Variants in ZDHHC2 observed in about 807,000 individuals in gnomAD.
ZDHHC2 encodes zDHHC palmitoyltransferase 2.
Under a neutral mutation model 55.6 loss-of-function variants are expected in ZDHHC2, and 51 were observed. The observed-to-expected ratio is 0.92, with a 90% CI of 0.73 to 1.16. The LOEUF is 1.16. Among genes scored for constraint, ZDHHC2 ranks in the 50% most tolerant of loss-of-function variants. The probability of loss-of-function intolerance (pLI) is 0.00; values close to 1 mark genes in which losing one functional copy is unlikely to be tolerated. For missense variants in ZDHHC2, 491 were observed against 442.4 expected, an observed-to-expected ratio of 1.11 and a Z score of -0.99; for synonymous variants, 199 against 152.9, an observed-to-expected ratio of 1.30 and a Z score of -2.22.
chr8:17,173,635 T>C (rs1804976519), intron 1 of ZDHHC2, among the ~76,000 whole-genome samples: 1 of 151,336 alleles, frequency 6.6e-6, no homozygotes. Context: ...TGAGCCGTGA[T>C]TGCACCACTG....
intron 6 of ZDHHC2, among the ~76,000 whole-genome samples, chr8:17,202,605 C>A (rs1015109478): frequency 4.6e-5 from 7 of 152,058 alleles, no homozygotes; most frequent in African/African-American, 1.7e-4. Flanking sequence ...AATAAGTCTT[C>A]TTCCTTTTAT....
At chr8:17,200,342 T>TA (rs531592343) in intron 6 of ZDHHC2, among the ~76,000 whole-genome samples, 59 of 152,348 alleles carry the variant, frequency 3.9e-4, no homozygotes, top group African/African-American at 1.3e-3. Context: ...GCCTGGCCGG[T>TA]AAAAAATGCT....
intron 10 of ZDHHC2, 121 bp downstream of exon 10, chr8:17,210,601 C>G (rs1807331190): frequency 1.3e-6 from 1 of 757,098 alleles, no homozygotes; most frequent in African/African-American, 1.8e-5. Context: ...GCAATGGTTT[C>G]CACTTGAAAT....
intron 1 of ZDHHC2, among the ~76,000 whole-genome samples, chr8:17,174,005 G>A (rs1467681913): frequency 6.6e-6 from 1 of 152,068 alleles, no homozygotes. Context: ...CAGAGAGTAG[G>A]TGGTCGCTGC....
intron 3 of ZDHHC2, among the ~76,000 whole-genome samples, chr8:17,189,029 AC>A (rs1370994255): frequency 7.2e-6 from 1 of 139,008 alleles, no homozygotes; most frequent in African/African-American, 2.7e-5. Flanking sequence ...CCCTGCTCCC[AC>A]CCCGGTCCAA....
intron 3 of ZDHHC2, among the ~76,000 whole-genome samples, chr8:17,192,897 C>T (rs1452287870): frequency 6.6e-6 from 1 of 152,176 alleles, no homozygotes; most frequent in Non-Finnish European, 1.5e-5. Context: ...AGTGTATGTT[C>T]TTGGCATCTG....
chr8:17,196,291 T>C (rs1806303732), intron 4 of ZDHHC2, among the ~76,000 whole-genome samples: 1 of 152,116 alleles, frequency 6.6e-6, no homozygotes, highest in Admixed American at 6.5e-5. Flanking sequence ...GCTAGCCCCA[T>C]GTGGCTGTTG....
At chr8:17,180,097 G>T (rs921745472) in intron 1 of ZDHHC2, among the ~76,000 whole-genome samples, 8 of 152,128 alleles carry the variant, frequency 5.3e-5, no homozygotes, top group African/African-American at 1.9e-4. Flanking sequence ...TAATAGCAAT[G>T]CTTTTAATTC....
Position 17,184,741 on chromosome 8 carries a change from G to A in ZDHHC2, c.131-48G>A, listed in dbSNP as rs147734938. ...ATGCCTTATGTCTGTGTCAAGCCCC[G>A]TTTGCCATAAGCTTCATGTAACCTA... On this transcript the variant is annotated intron_variant, in intron 1 of 12. Coordinates refer to ENST00000262096, the MANE Select transcript of ZDHHC2 (RefSeq NM_016353.5). 4.0e-4 allele frequency: 604 copies of A among 1,504,938 alleles called. 2 individuals are homozygous for A. The highest frequency in any genetic ancestry group is 1.5e-3 in the Admixed American group (65 of 42,816). 93.2% of individuals were successfully genotyped at this position (1,504,938 alleles called of 1,614,324 possible).
chr8:17,224,430 C>G lies in ZDHHC2; in HGVS notation c.*4209C>G, dbSNP rs1346090355. Reference sequence around the variant, plus strand: ...TTTAAGCCCTGGTTTATGGCTAGTTCCCTTTTGCTCAGGAAAAATAGTACT... The same window carrying G: ...TTTAAGCCCTGGTTTATGGCTAGTTGCCTTTTGCTCAGGAAAAATAGTACT... On this transcript the variant is annotated 3_prime_UTR_variant, in exon 13 of 13. Transcript: ENST00000262096. 6.6e-6 allele frequency: 1 copy of G among 151,496 alleles called. No individual in the cohort carries two copies. The highest frequency in any genetic ancestry group is 2.4e-5 in the African/African-American group (1 of 41,332). The allele number at this position is 151,496 out of a possible 1,614,324, so 9.4% of individuals were successfully genotyped here.
chr8:17,161,875 T>TA (rs1015153372), intron 1 of ZDHHC2, among the ~76,000 whole-genome samples: 2 of 151,824 alleles, frequency 1.3e-5, no homozygotes, highest in South Asian at 2.1e-4. Context: ...AAATAAAAAA[T>TA]AAAAAAAAGA....
intron 6 of ZDHHC2, among the ~76,000 whole-genome samples, chr8:17,199,506 T>TTCGTCTTCG (rs1256708051): frequency 2.3e-5 from 1 of 42,724 alleles, no homozygotes; most frequent in African/African-American, 6.9e-5. Flanking sequence ...CTTCTTCTTC[T>TTCGTCTTCG]TCTTCTTCGT....
chr8:17,163,780 G>A (rs1013303184), intron 1 of ZDHHC2, among the ~76,000 whole-genome samples: 1 of 151,956 alleles, frequency 6.6e-6, no homozygotes, highest in African/African-American at 2.4e-5. Context: ...CTGTCTGTTG[G>A]GAAAACAATA....
intron 3 of ZDHHC2, among the ~76,000 whole-genome samples, chr8:17,189,257 G>A (rs1245063576): frequency 6.6e-6 from 1 of 151,618 alleles, no homozygotes; most frequent in African/African-American, 2.4e-5. Context: ...TATCATTGAG[G>A]CTGTCTGTGA....
At position 17,221,944 on chromosome 8, in the gene ZDHHC2, C is replaced by T. The variant is rs1807934787; in HGVS notation, c.*1723C>T. Reference sequence around the variant, plus strand: ...GAAGTCTTAAAAAAACCAACAGCAGCACAGGATGTATTAAGAATTATATGA... The same window carrying T: ...GAAGTCTTAAAAAAACCAACAGCAGTACAGGATGTATTAAGAATTATATGA... On this transcript the variant is annotated 3_prime_UTR_variant, in exon 13 of 13. Coordinates refer to ENST00000262096, the MANE Select transcript of ZDHHC2 (RefSeq NM_016353.5). 6.8e-6 allele frequency: 1 copy of T among 146,798 alleles called. No individual in the cohort carries two copies. Among genetic ancestry groups the T allele is most frequent in the African/African-American group, 2.6e-5 (1 of 39,002 alleles). The allele number at this position is 146,798 out of a possible 1,614,324, so 9.1% of individuals were successfully genotyped here.
intron 1 of ZDHHC2, among the ~76,000 whole-genome samples, chr8:17,169,766 A>G: frequency 6.6e-6 from 1 of 152,222 alleles, no homozygotes; most frequent in East Asian, 1.9e-4. Flanking sequence ...GGAGAGATAC[A>G]GGCGGGAAAC....
rs1302863861 is a variant in ZDHHC2, at chr8:17,156,828, C to T, written c.105C>T (p.Tyr35=). ...CCCTCCTGCTCGGCTGGTCCTACTA[C>T]GCCTACGCCATCCAGCTGTGCATAG... ...FITLLLGWSY[Y]AYAIQLCIVS... Residue 35 remains tyrosine, a synonymous_variant, in exon 1 of 13, where the codon TAC becomes TAT. Transcript: ENST00000262096. 4 of 1,519,960 alleles carry T rather than the reference C, an allele frequency of 2.6e-6. No homozygotes were observed. The highest frequency in any genetic ancestry group is 3.5e-6 in the Non-Finnish European group (4 of 1,132,486). The allele number at this position is 1,519,960 out of a possible 1,614,324, so 94.2% of individuals were successfully genotyped here.
rs556859096 is a variant in ZDHHC2, at chr8:17,222,770, A to G, written c.*2549A>G. 4.6e-5 allele frequency: 7 copies of G among 151,878 alleles called. No homozygotes were observed. The highest frequency in any genetic ancestry group is 1.7e-4 in the African/African-American group (7 of 41,516). The allele number at this position is 151,878 out of a possible 1,614,324, so 9.4% of individuals were successfully genotyped here. On this transcript the variant is annotated 3_prime_UTR_variant, in exon 13 of 13. Transcript: ENST00000262096. Reference sequence around the variant, plus strand: ...TCTGTCTATAAGAAACTGCCTTTGCACTGACAATGTAAATTATTTTAAGCA... The same window carrying G: ...TCTGTCTATAAGAAACTGCCTTTGCGCTGACAATGTAAATTATTTTAAGCA...
intron 8 of ZDHHC2, among the ~76,000 whole-genome samples, 161 bp downstream of exon 8, chr8:17,208,253 G>T (rs1337567117): frequency 6.7e-6 from 1 of 149,534 alleles, no homozygotes; most frequent in Admixed American, 6.7e-5. Context: ...ACACATACAG[G>T]TTTGCTCATT....
Sources: gnomAD v4.1 joint callset for allele counts (sites outside exome capture counted in the v4.1 genomes callset) on GRCh38, gnomAD v4.1.1 for gene constraint, MANE v1.5 for transcripts, NCBI Gene and HGNC (gene_info 2026-07-23, HGNC 2026-07-21) for gene names.